Variants in PPP2R3A observed in about 807,000 individuals in gnomAD.
PPP2R3A encodes protein phosphatase 2 regulatory subunit B''alpha.
In PPP2R3A, 80 loss-of-function variants were observed where a neutral mutation model predicts 106.9. The observed-to-expected ratio is 0.75, with a 90% CI of 0.62 to 0.90. The LOEUF (loss-of-function observed/expected upper bound fraction) is 0.90, where lower values mean the gene tolerates loss of function less well. PPP2R3A is among the 40% of genes least tolerant of loss of function. PPP2R3A has a pLI of 0.00. For synonymous variants in PPP2R3A, 483 were observed against 468.3 expected, an observed-to-expected ratio of 1.03 and a Z score of -0.41; for missense variants, 1,386 against 1,350.4, an observed-to-expected ratio of 1.03 and a Z score of -0.41.
chr3:136,082,175 T>G, intron 7 of PPP2R3A, 90 bp from the exon 8 acceptor site: 5 of 1,161,906 alleles, frequency 4.3e-6, no homozygotes, highest in Non-Finnish European at 6.0e-6. Flanking sequence ...AATTTTAAAT[T>G]CAGTTTAAAA....
intron 3 of PPP2R3A, among the ~76,000 whole-genome samples, chr3:136,030,784 ATG>A (rs1559878188): frequency 0.014 from 1,590 of 115,936 alleles, 25 homozygotes; most frequent in African/African-American, 0.036. Context: ...ATATATATGT[ATG>A]TATGTATGTA....
At chr3:135,968,527 C>G (rs983894490) in intron 1 of PPP2R3A, among the ~76,000 whole-genome samples, 1 of 152,150 alleles carries the variant, frequency 6.6e-6, no homozygotes, top group African/African-American at 2.4e-5. Context: ...GCCAGGAACA[C>G]GGAGAGTGAT....
chr3:136,015,919 T>A (rs1457829681), intron 2 of PPP2R3A, among the ~76,000 whole-genome samples: 1 of 152,158 alleles, frequency 6.6e-6, no homozygotes, highest in African/African-American at 2.4e-5. Context: ...GATTGTCTAT[T>A]TGTGGTCTTT....
chr3:136,114,757 C>T (rs1261708615), intron 13 of PPP2R3A, among the ~76,000 whole-genome samples: 1 of 152,166 alleles, frequency 6.6e-6, no homozygotes, highest in East Asian at 1.9e-4. Flanking sequence ...CAGGGCATCT[C>T]TGGAAAAAAA....
chr3:135,984,555 GT>G (rs1407440232), intron 1 of PPP2R3A, among the ~76,000 whole-genome samples: 2 of 152,102 alleles, frequency 1.3e-5, no homozygotes, highest in Non-Finnish European at 2.9e-5. Context: ...CATGGGGGCA[GT>G]TTCCCCCATG....
At chr3:135,992,353 G>A (rs750433531) in intron 1 of PPP2R3A, among the ~76,000 whole-genome samples, 4 of 152,098 alleles carry the variant, frequency 2.6e-5, no homozygotes, top group Non-Finnish European at 4.4e-5. Context: ...TCTGCTCCTA[G>A]TCTTCAAGTG....
At chr3:136,089,670 T>A (rs1937045440) in intron 9 of PPP2R3A, among the ~76,000 whole-genome samples, 1 of 151,512 alleles carries the variant, frequency 6.6e-6, no homozygotes, top group Non-Finnish European at 1.5e-5. Flanking sequence ...AAGAATAACA[T>A]TGAATCTGTA....
chr3:136,072,021 A>G (rs1288025222), intron 6 of PPP2R3A, among the ~76,000 whole-genome samples: 1 of 149,572 alleles, frequency 6.7e-6, no homozygotes, highest in Non-Finnish European at 1.5e-5. Flanking sequence ...CTCCCCCTAC[A>G]CTCTATTCCT....
intron 2 of PPP2R3A, among the ~76,000 whole-genome samples, chr3:136,015,086 G>A (rs1177490756): frequency 6.6e-6 from 1 of 152,062 alleles, no homozygotes; most frequent in Admixed American, 6.6e-5. Flanking sequence ...AAATGATCAT[G>A]TGATTTTTGT....
chr3:136,145,243 ACTGCTTTT>A lies in PPP2R3A; in HGVS notation c.*78_*85del, dbSNP rs1468968749. ...TGTGAAGAGATGTTCTCGTTTGCAT[ACTGCTTTT>A]TAAAGACTTTGATTTCTCCAAGTGT... is the stretch of plus-strand genomic sequence containing the variant. On this transcript the variant is annotated 3_prime_UTR_variant, in exon 14 of 14. Transcript: ENST00000264977. 1 of 1,490,710 alleles carries A rather than the reference ACTGCTTTT, an allele frequency of 6.7e-7. No homozygotes were observed. Among genetic ancestry groups the A allele is most frequent in the East Asian group, 2.4e-5 (1 of 41,774 alleles). The allele number at this position is 1,490,710 out of a possible 1,614,324, so 92.3% of individuals were successfully genotyped here.
In PPP2R3A at chr3:136,147,343, G is replaced by A. The variant is rs889042669; in HGVS notation, c.*2177G>A. ...TACGACACTGCACTCCAGCCTAGGC[G>A]ACAGAGCAAGACCCCATTCTCTTAC... On this transcript the variant is annotated 3_prime_UTR_variant, in exon 14 of 14. Coordinates refer to ENST00000264977, the MANE Select transcript of PPP2R3A (RefSeq NM_002718.5). 5.0e-4 allele frequency: 77 copies of A among 152,700 alleles called. No homozygotes were observed. Among genetic ancestry groups the A allele is most frequent in the Non-Finnish European group, 3.4e-4 (23 of 68,030 alleles). The allele number at this position is 152,700 out of a possible 1,614,324, so 9.5% of individuals were successfully genotyped here.
chr3:136,010,774 T>C (rs912999820), intron 2 of PPP2R3A, among the ~76,000 whole-genome samples: 1 of 152,082 alleles, frequency 6.6e-6, no homozygotes, highest in Non-Finnish European at 1.5e-5. Context: ...TATTAATAGA[T>C]ACCATCCCCT....
At chr3:135,999,753 T>G (rs908639669) in intron 1 of PPP2R3A, among the ~76,000 whole-genome samples, 10 of 152,038 alleles carry the variant, frequency 6.6e-5, no homozygotes, top group African/African-American at 2.2e-4. Flanking sequence ...GTTCATCAGA[T>G]TTTTATTTAT....
At chr3:136,079,114 T>G (rs1253536653) in intron 7 of PPP2R3A, 2 of 444,112 alleles carry the variant, frequency 4.5e-6, no homozygotes, top group East Asian at 7.0e-5. Flanking sequence ...ACAACCTTAC[T>G]TACTCTTTAT....
intron 6 of PPP2R3A, among the ~76,000 whole-genome samples, chr3:136,075,516 A>C (rs1356455238): frequency 2.0e-5 from 3 of 152,240 alleles, no homozygotes; most frequent in African/African-American, 7.2e-5. Context: ...CTATGGAAAA[A>C]TGGAATACAA....
chr3:135,996,889 GAA>G (rs1466518138), intron 1 of PPP2R3A, among the ~76,000 whole-genome samples: 1 of 152,114 alleles, frequency 6.6e-6, no homozygotes, highest in East Asian at 1.9e-4. Flanking sequence ...GTTTCACTGA[GAA>G]AAATTGAACC....
At chr3:136,119,931 A>G (rs1380158244) in intron 13 of PPP2R3A, among the ~76,000 whole-genome samples, 2 of 152,342 alleles carry the variant, frequency 1.3e-5, no homozygotes, top group East Asian at 1.9e-4. Context: ...ACTATTCACA[A>G]TAGCAAAGAC....
intron 3 of PPP2R3A, among the ~76,000 whole-genome samples, chr3:136,031,512 G>T (rs1934890718): frequency 6.6e-6 from 1 of 152,138 alleles, no homozygotes; most frequent in Non-Finnish European, 1.5e-5. Flanking sequence ...TTTTAATTAA[G>T]TCCTAGCAAT....
chr3:135,967,643 T>C (rs1372592550), intron 1 of PPP2R3A, among the ~76,000 whole-genome samples: 1 of 152,176 alleles, frequency 6.6e-6, no homozygotes, highest in Non-Finnish European at 1.5e-5. Flanking sequence ...ACAAACATAG[T>C]CCCCACTGAT....
Sources: allele counts gnomAD v4.1 joint callset (sites outside exome capture counted in the v4.1 genomes callset), GRCh38; gene constraint gnomAD v4.1.1; transcripts MANE v1.5; gene names NCBI Gene and HGNC (gene_info 2026-07-23, HGNC 2026-07-21).